The following GRIP1 variants were observed in gnomAD, a reference collection of about 807,000 sequenced individuals.
The protein encoded by GRIP1 is glutamate receptor-interacting protein 1.
In GRIP1, 45 loss-of-function variants were observed where a neutral mutation model predicts 129.9. The ratio of observed to expected loss-of-function variants is 0.35; its 90% CI spans 0.27 to 0.44. GRIP1 has a LOEUF of 0.44. GRIP1 is among the 20% of genes least tolerant of loss of function. The pLI is 1.00. For synonymous variants in GRIP1, 530 were observed against 520.8 expected (o/e 1.02, Z -0.24); for missense variants, 1,196 against 1,396.8 (o/e 0.86, Z 2.29).
At chr12:66,449,780 G>A (rs2058726864) in intron 11 of GRIP1, among the ~76,000 whole-genome samples, 1 of 152,184 alleles carries the variant, frequency 6.6e-6, no homozygotes, top group African/African-American at 2.4e-5. Context: ...GAAGATGAGA[G>A]TATCATGTTA....
chr12:66,653,396 T>C (rs1474988731), intron 1 of GRIP1, among the ~76,000 whole-genome samples: 1 of 152,214 alleles, frequency 6.6e-6, no homozygotes, highest in Non-Finnish European at 1.5e-5. Context: ...CTTGCCAACT[T>C]ATCCCCTGGA....
At chr12:66,507,433 A>C (rs1230936757) in intron 7 of GRIP1, among the ~76,000 whole-genome samples, 2 of 128,478 alleles carry the variant, frequency 1.6e-5, no homozygotes, top group East Asian at 4.1e-4. Context: ...GCGAGACTCC[A>C]TTTCAAAAAA....
At chr12:66,712,012 C>G (rs891539324) in intron 1 of GRIP1, among the ~76,000 whole-genome samples, 12 of 151,882 alleles carry the variant, frequency 7.9e-5, no homozygotes, top group African/African-American at 2.9e-4. Context: ...TATCCAAGAA[C>G]TATAGTTTAC....
chr12:66,987,395 T>C (rs759122189), intron 1 of GRIP1, among the ~76,000 whole-genome samples: 2 of 152,212 alleles, frequency 1.3e-5, no homozygotes, highest in Non-Finnish European at 2.9e-5. Context: ...CTTTTACTTT[T>C]CTGACAGCAG....
intron 14 of GRIP1, 27 bp from the exon 15 acceptor site, chr12:66,420,816 C>T (rs761883879): frequency 2.5e-6 from 3 of 1,213,680 alleles, no homozygotes; most frequent in South Asian, 2.4e-5. Flanking sequence ...AGAATAATCA[C>T]ATCTTTATAT....
At chr12:66,693,099 C>A (rs1160773683) in intron 1 of GRIP1, among the ~76,000 whole-genome samples, 1 of 151,960 alleles carries the variant, frequency 6.6e-6, no homozygotes, top group African/African-American at 2.4e-5. Context: ...ATAATAGTAA[C>A]CAATAATTAG....
intron 1 of GRIP1, among the ~76,000 whole-genome samples, chr12:66,757,185 T>C (rs1468809908): frequency 1.3e-5 from 2 of 152,168 alleles, no homozygotes; most frequent in African/African-American, 4.8e-5. Context: ...TACTAGATCT[T>C]ATTCATGTAT....
At chr12:66,895,298 C>T (rs2040727951) in intron 1 of GRIP1, among the ~76,000 whole-genome samples, 1 of 152,120 alleles carries the variant, frequency 6.6e-6, no homozygotes, top group African/African-American at 2.4e-5. Context: ...GTGAATAAGT[C>T]TCACAATATC....
chr12:66,679,059 G>A lies in GRIP1; in HGVS notation c.-155C>T. On this transcript the variant is annotated 5_prime_UTR_variant, in exon 1 of 25. Transcript: ENST00000359742. ...TTAATTCCTCTTGGCTGATGCAGAGGTCCGCTACATGTCATCTGGCAAATC... is the reference window on the plus strand; with the variant it reads ...TTAATTCCTCTTGGCTGATGCAGAGATCCGCTACATGTCATCTGGCAAATC... The A allele has an allele frequency of 6.5e-7, 1 of 1,528,638 alleles. No individual in the cohort carries two copies. The highest frequency in any genetic ancestry group is 2.0e-5 in the Admixed American group (1 of 50,464). The allele number at this position is 1,528,638 out of a possible 1,614,324, so 94.7% of individuals were successfully genotyped here. A position where few individuals can be genotyped will look rare whatever the true frequency, so the allele number is the denominator to read the frequency against.
chr12:66,659,448 CT>C (rs1371710460), intron 1 of GRIP1, among the ~76,000 whole-genome samples: 1 of 152,156 alleles, frequency 6.6e-6, no homozygotes, highest in Non-Finnish European at 1.5e-5. Context: ...TTGTGCATTT[CT>C]TTTTGCAAAC....
intron 11 of GRIP1, 116 bp from the exon 12 acceptor site, chr12:66,445,624 A>T (rs2058600875): frequency 1.5e-6 from 1 of 663,882 alleles, no homozygotes; most frequent in Admixed American, 2.8e-5. Flanking sequence ...GTGGGAGGTT[A>T]AATTATGGCC....
rs1446678657 is a variant in GRIP1 at position 66,581,220 on chromosome 12, C to A, written c.136+15627G>T. ...TTTGAAACCAAAGAGAACAAAGATA[C>A]AACATACCAGAATCTCTGGGACACA... On this transcript the variant is annotated intron_variant, in intron 2 of 24. Coordinates refer to ENST00000359742, the MANE Select transcript of GRIP1 (RefSeq NM_001366722.1). 2.6e-5 allele frequency among the ~76,000 whole-genome samples: 4 copies of A among 152,144 alleles called. No homozygotes were observed. In the East Asian group the frequency reaches 7.7e-4, roughly 29 times the overall value.
rs186884407 is a variant in GRIP1 at position 66,589,888 on chromosome 12, A to T, written c.136+6959T>A. 4.6e-3 allele frequency among the ~76,000 whole-genome samples: 704 copies of T among 152,260 alleles called. 2 individuals carry two copies. Among genetic ancestry groups the T allele is most frequent in the Non-Finnish European group, 7.2e-3 (493 of 68,008 alleles). ...AGTAATCTATGTAAGATGCTTCTTC[A>T]CTTTCCTCAGTGCCAATCAAGCCAT... On this transcript the variant is annotated intron_variant, in intron 2 of 24. Transcript: ENST00000359742.
At chr12:66,661,955 A>G (rs2033535674) in intron 1 of GRIP1, among the ~76,000 whole-genome samples, 2 of 152,098 alleles carry the variant, frequency 1.3e-5, no homozygotes, top group South Asian at 4.1e-4. Flanking sequence ...ATATAGAACA[A>G]AGGTCTTTTC....
At chr12:67,021,413 A>G (rs560968702) in intron 1 of GRIP1, among the ~76,000 whole-genome samples, 2 of 152,248 alleles carry the variant, frequency 1.3e-5, no homozygotes, top group South Asian at 4.1e-4. Flanking sequence ...ATTCAGCATA[A>G]TTATTTTCAG....
chr12:66,410,340 A>G (rs2057352028), intron 15 of GRIP1, among the ~76,000 whole-genome samples: 1 of 147,646 alleles, frequency 6.8e-6, no homozygotes, highest in South Asian at 2.1e-4. Flanking sequence ...TGAAAGAAAA[A>G]AAAAAGCTGG....
intron 1 of GRIP1, among the ~76,000 whole-genome samples, chr12:66,913,872 A>G (rs1191707548): frequency 6.6e-6 from 1 of 152,212 alleles, no homozygotes; most frequent in Non-Finnish European, 1.5e-5. Context: ...CTGTTAGTAG[A>G]TAATTCCTTT....
chr12:66,539,065 C>A lies in GRIP1; in HGVS notation c.418+13G>T. ...ATGTATCCCCTATGGATAAGGGGGGCTACTGTACTTACAGACCGGTGGAAG... is the reference window on the plus strand; with the variant it reads ...ATGTATCCCCTATGGATAAGGGGGGATACTGTACTTACAGACCGGTGGAAG... On this transcript the variant is annotated intron_variant, in intron 4 of 24. Coordinates refer to ENST00000359742, the MANE Select transcript of GRIP1 (RefSeq NM_001366722.1). 6.2e-7 allele frequency: 1 copy of A among 1,611,226 alleles called. No homozygotes were observed.
chr12:66,618,192 T>A (rs893523913), intron 1 of GRIP1, among the ~76,000 whole-genome samples: 2 of 152,154 alleles, frequency 1.3e-5, no homozygotes, highest in South Asian at 2.1e-4. Flanking sequence ...AATCAGTAGG[T>A]GTAGTGACAG....
Sources: gnomAD v4.1 joint callset for allele counts (sites outside exome capture counted in the v4.1 genomes callset) on GRCh38, gnomAD v4.1.1 for gene constraint, MANE v1.5 for transcripts, NCBI Gene and HGNC (gene_info 2026-07-23, HGNC 2026-07-21) for gene names.